The following NPC1 variants were observed in gnomAD, a reference collection of about 807,000 sequenced individuals.
The protein encoded by NPC1 is NPC intracellular cholesterol transporter 1, also known as Niemann-Pick C1 protein.
NPC1 carries 85 observed loss-of-function variants against 140.4 expected under a neutral mutation model. That is an observed-to-expected ratio of 0.61 (90% CI 0.51 to 0.72). NPC1 has a LOEUF of 0.72. Ranked by LOEUF, NPC1 falls within the 30% of genes least tolerant of loss-of-function variation. NPC1 has a pLI of 0.00. For missense variants in NPC1, 1,504 were observed against 1,623.8 expected, an observed-to-expected ratio of 0.93 and a Z score of 1.27; for synonymous variants, 656 against 624.8, an observed-to-expected ratio of 1.05 and a Z score of -0.74.
intron 1 of NPC1, among the ~76,000 whole-genome samples, chr18:23,584,657 G>C (rs1274500808): frequency 3.3e-5 from 5 of 152,150 alleles, no homozygotes; most frequent in Admixed American, 3.3e-4. Context: ...TCAGGATTTC[G>C]AGACCAGCCT....
chr18:23,539,031 G>T, intron 19 of NPC1: 1 of 450,788 alleles, frequency 2.2e-6, no homozygotes. Flanking sequence ...AAGTGATAAA[G>T]AAAAGCCCTC....
In NPC1 at chr18:23,523,999, T is replaced by C. The variant is rs538808373; in HGVS notation, c.164-1093A>G. On this transcript the variant is annotated intron_variant, in intron 1 of 1. Transcript: ENST00000590723. ...GCTTTCAGTGAGACGGAACAGTTCATTTCTTCCTTGACTACAATTGAATAA... is the reference window on the plus strand; with the variant it reads ...GCTTTCAGTGAGACGGAACAGTTCACTTCTTCCTTGACTACAATTGAATAA... The C allele has an allele frequency of 3.9e-6, 4 of 1,036,042 alleles. No individual in the cohort carries two copies. The East Asian group carries it at 9.6e-5, about 25-fold the overall frequency. The allele number at this position is 1,036,042 out of a possible 1,614,324, so 64.2% of individuals were successfully genotyped here.
Position 23,514,572 on chromosome 18 carries a change from T to C in NPC1, c.432-7930A>G, listed in dbSNP as rs907323723. Among the ~76,000 whole-genome samples, 6 of 151,368 alleles carry C rather than the reference T, an allele frequency of 4.0e-5. No homozygotes were observed. In the East Asian group the frequency reaches 1.2e-3, roughly 30 times the overall value. On this transcript the variant is annotated intron_variant, in intron 3 of 3. Coordinates refer to the NPC1 transcript ENST00000591107. ...AACTCCGTCTCAAAAAAAAAAAAAA[T>C]TTGTAATGACCAATAGGAGAACTTT...
At chr18:23,532,355 A>C in intron 24 of NPC1, 71 bp from the exon 25 acceptor site, 1 of 1,549,960 alleles carries the variant, frequency 6.5e-7, no homozygotes, top group Non-Finnish European at 8.9e-7. Context: ...ATAGTGGCTC[A>C]CGCCTGTAAT....
intron 2 of NPC1, among the ~76,000 whole-genome samples, chr18:23,572,444 G>GT (rs71825108): frequency 6.6e-6 from 1 of 151,958 alleles, no homozygotes; most frequent in East Asian, 1.9e-4. Flanking sequence ...TCTTCTTAGG[G>GT]TTTTTTGTTT....
In NPC1 at chr18:23,544,943, A is replaced by ACCC. The variant is rs3837910; in HGVS notation, c.1947+14_1947+16dup. On this transcript the variant is annotated intron_variant, in intron 12 of 24. Transcript: ENST00000269228. ...GCTGTTAACCTCTAGAACATACACC[A>ACCC]CCCCCCCCCGGCTTACCAGAAGCCT... 54,694 of 973,102 alleles carry ACCC rather than the reference A, an allele frequency of 0.056. 2,383 individuals are homozygous for ACCC. The highest frequency in any genetic ancestry group is 0.15 in the African/African-American group (7,972 of 54,018). 60.3% of individuals were successfully genotyped at this position (973,102 alleles called of 1,614,324 possible).
intron 5 of NPC1, 79 bp downstream of exon 5, chr18:23,561,281 G>C: frequency 4.8e-6 from 7 of 1,469,720 alleles, no homozygotes; most frequent in Non-Finnish European, 6.7e-6. Flanking sequence ...CCAAGCACTG[G>C]TGAGCCACTG....
intron 1 of NPC1, among the ~76,000 whole-genome samples, chr18:23,573,976 A>G (rs1323397394): frequency 6.6e-6 from 1 of 152,230 alleles, no homozygotes; most frequent in Non-Finnish European, 1.5e-5. Context: ...ATATGTATTT[A>G]GGTTAATTAA....
At chr18:23,545,677 G>A (rs1301630255) in intron 11 of NPC1, among the ~76,000 whole-genome samples, 3 of 152,124 alleles carry the variant, frequency 2.0e-5, no homozygotes, top group Non-Finnish European at 4.4e-5. Context: ...CTGCAGCCTC[G>A]AACTCCTCAG....
chr18:23,539,714 A>C, intron 18 of NPC1, 97 bp downstream of exon 18: 1 of 1,379,514 alleles, frequency 7.2e-7, no homozygotes. Flanking sequence ...CTTTTCCAAG[A>C]AAGTCTATTT....
At chr18:23,511,837 A>G (rs2057866721) in intron 3 of NPC1, among the ~76,000 whole-genome samples, 2 of 151,950 alleles carry the variant, frequency 1.3e-5, no homozygotes, top group African/African-American at 4.8e-5. Context: ...ACACTTCTTT[A>G]TATTAGAGGG....
At chr18:23,519,793 G>GT (rs1428330163), downstream of NPC1, among the ~76,000 whole-genome samples, 3 of 152,164 alleles carry the variant, frequency 2.0e-5, no homozygotes, top group African/African-American at 7.2e-5. Flanking sequence ...GGGGATAATG[G>GT]TTTTGAGGCC....
At chr18:23,557,598 T>C (rs1161451838) in intron 6 of NPC1, among the ~76,000 whole-genome samples, 1 of 151,962 alleles carries the variant, frequency 6.6e-6, no homozygotes, top group Non-Finnish European at 1.5e-5. Context: ...CTACTAAAAA[T>C]ACAAAAAGGT....
At chr18:23,514,083 T>A (rs1001876470) in intron 3 of NPC1, among the ~76,000 whole-genome samples, 2 of 152,238 alleles carry the variant, frequency 1.3e-5, no homozygotes, top group Admixed American at 1.3e-4. Flanking sequence ...GGGGAACTAA[T>A]TTAGAGGGTG....
chr18:23,542,188 TCTG>T (rs1452546879), intron 14 of NPC1, among the ~76,000 whole-genome samples: 2 of 152,034 alleles, frequency 1.3e-5, no homozygotes, highest in Admixed American at 6.5e-5. Flanking sequence ...AGGCACAGTC[TCTG>T]CTGCTATTAT....
downstream of NPC1, among the ~76,000 whole-genome samples, chr18:23,531,252 G>A (rs2058494539): frequency 1.3e-5 from 2 of 152,102 alleles, no homozygotes; most frequent in Non-Finnish European, 2.9e-5. Context: ...GCCTCCCAAA[G>A]TGCTGGGATT....
intron 3 of NPC1, chr18:23,506,853 A>G (rs1054381246): frequency 2.8e-6 from 2 of 720,582 alleles, no homozygotes; most frequent in African/African-American, 3.6e-5. Flanking sequence ...ACATAATTTT[A>G]ATTTTAGACT....
Position 23,568,921 on chromosome 18 carries a change from T to C in NPC1, c.365A>G (p.Asn122Ser), listed in dbSNP as rs1448273242. 1.2e-6 allele frequency: 2 copies of C among 1,613,978 alleles called. No homozygotes were observed. Among genetic ancestry groups the C allele is most frequent in the Non-Finnish European group, 1.7e-6 (2 of 1,179,844 alleles). ...TCSPRQSQFL[N>S]VTATEDYVDP... ...AACATAATCTTCAGTAGCTGTAACA[T>C]TCAAAAACTGACTCTGTCGAGGGCT... Residue 122 changes from asparagine (N) to serine (S), a missense_variant, in exon 4 of 25, where the codon AAT (asparagine) becomes AGT (serine). By Grantham distance (46) the Asn-to-Ser change is conservative (BLOSUM62 1). Coordinates refer to ENST00000269228, the MANE Select transcript of NPC1 (RefSeq NM_000271.5).
chr18:23,521,748 G>C (rs1481955737), downstream of NPC1, among the ~76,000 whole-genome samples: 6 of 150,540 alleles, frequency 4.0e-5, no homozygotes, highest in East Asian at 1.2e-3. Context: ...CTGGAGGCTA[G>C]AAGTTCAAGA....
Sources: allele counts gnomAD v4.1 joint callset (sites outside exome capture counted in the v4.1 genomes callset), GRCh38; gene constraint gnomAD v4.1.1; transcripts MANE v1.5; gene names NCBI Gene and HGNC (gene_info 2026-07-23, HGNC 2026-07-21).